The following DNAH11 variants were observed in gnomAD, a reference collection of about 807,000 sequenced individuals.
The protein encoded by DNAH11 is axonemal beta dynein heavy chain 11.
DNAH11 carries 442 observed loss-of-function variants against 526.0 expected under a neutral mutation model. The ratio of observed to expected loss-of-function variants is 0.84; its 90% confidence interval spans 0.78 to 0.91. The LOEUF (loss-of-function observed/expected upper bound fraction) is 0.91, where lower values mean the gene tolerates loss of function less well. Among genes scored for constraint, DNAH11 ranks in the 40% least tolerant of loss-of-function variants. The probability of loss-of-function intolerance (pLI) is 0.00; values close to 1 mark genes in which losing one functional copy is unlikely to be tolerated. For synonymous variants in DNAH11, 2,461 were observed against 1,935.9 expected (o/e 1.27, Z -7.12); for missense variants, 6,989 against 5,448.7 (o/e 1.28, Z -8.90).
intron 1 of DNAH11, 195 bp downstream of exon 1, chr7:21,543,791 G>C: frequency 1.6e-6 from 1 of 610,468 alleles, no homozygotes; most frequent in South Asian, 2.2e-5. Flanking sequence ...CTGCAGGTTA[G>C]TTTCCTAAGT....
In DNAH11 at chr7:21,901,411, A is replaced by ACTAGAAACTAAC. The variant is rs1784838696; in HGVS notation, c.*158_*169dup. The ACTAGAAACTAAC allele has an allele frequency of 2.8e-6, 3 of 1,081,854 alleles. No individual in the cohort carries two copies. In the East Asian group the frequency reaches 8.7e-5, roughly 31 times the overall value. The allele number at this position is 1,081,854 out of a possible 1,614,324, so 67.0% of individuals were successfully genotyped here. ...CTTAGAGTGAAAGTCAGAAAAAAATACTAGAAACTAACTCAGGGCTGAGCG... is the reference window on the plus strand; with the variant it reads ...CTTAGAGTGAAAGTCAGAAAAAAATACTAGAAACTAACCTAGAAACTAACTCAGGGCTGAGCG... On this transcript the variant is annotated 3_prime_UTR_variant, in exon 82 of 82. Transcript: ENST00000409508.
At chr7:21,766,563 G>T (rs1039465978) in intron 55 of DNAH11, among the ~76,000 whole-genome samples, 10 of 152,282 alleles carry the variant, frequency 6.6e-5, no homozygotes, top group Admixed American at 3.9e-4. Flanking sequence ...AGGCATAACT[G>T]CCACCTTTCC....
chr7:21,543,108 G>A lies in DNAH11; in HGVS notation c.-138G>A. ...GTGGCGCGGCTGCTAAGTAGCAGCA[G>A]GTGGGAGACTAGGGTCTGCGCTCGC... On this transcript the variant is annotated 5_prime_UTR_variant, in exon 1 of 82. Transcript: ENST00000409508. The A allele has an allele frequency of 7.0e-7, 1 of 1,420,360 alleles. No homozygotes were observed. Among genetic ancestry groups the A allele is most frequent in the African/African-American group, 1.5e-5 (1 of 68,628 alleles). 88.0% of individuals were successfully genotyped at this position (1,420,360 alleles called of 1,614,324 possible).
At chr7:21,884,674 A>G (rs1289214161) in intron 76 of DNAH11, among the ~76,000 whole-genome samples, 1 of 152,172 alleles carries the variant, frequency 6.6e-6, no homozygotes, top group Non-Finnish European at 1.5e-5. Flanking sequence ...GCACTGACTC[A>G]TCGGCTCTTT....
intron 43 of DNAH11, 133 bp downstream of exon 43, chr7:21,718,058 T>C: frequency 8.0e-7 from 1 of 1,253,872 alleles, no homozygotes; most frequent in East Asian, 2.4e-5. Context: ...TGCAACCCTC[T>C]TGCCCCCGCC....
intron 51 of DNAH11, among the ~76,000 whole-genome samples, chr7:21,747,447 G>C (rs972615785): frequency 2.6e-5 from 4 of 152,180 alleles, no homozygotes; most frequent in African/African-American, 9.7e-5. Flanking sequence ...AGAGCAAAAT[G>C]ATGGCATCAA....
At chr7:21,577,303 A>G (rs1784133472) in intron 8 of DNAH11, among the ~76,000 whole-genome samples, 1 of 152,196 alleles carries the variant, frequency 6.6e-6, no homozygotes, top group African/African-American at 2.4e-5. Flanking sequence ...TCCCCTTGCC[A>G]GGAAGAGCTG....
chr7:21,859,163 G>T (rs971816530), intron 68 of DNAH11, among the ~76,000 whole-genome samples: 3 of 152,068 alleles, frequency 2.0e-5, no homozygotes, highest in Non-Finnish European at 4.4e-5. Flanking sequence ...ACCCAGACTG[G>T]AATGTAGTGG....
At chr7:21,872,139 A>AACAAAACAAAAC (rs1554291080) in intron 73 of DNAH11, among the ~76,000 whole-genome samples, 2 of 114,062 alleles carry the variant, frequency 1.8e-5, no homozygotes, top group Middle Eastern at 4.1e-3. Context: ...AAAAAAAAAA[A>AACAAAACAAAAC]AAAAAAAAAA....
At chr7:21,664,178 G>A (rs1467388352) in intron 30 of DNAH11, among the ~76,000 whole-genome samples, 1 of 131,416 alleles carries the variant, frequency 7.6e-6, no homozygotes, top group Non-Finnish European at 1.6e-5. Flanking sequence ...ATGGTCACCT[G>A]TCTTTTCATT....
intron 74 of DNAH11, among the ~76,000 whole-genome samples, chr7:21,877,026 G>C (rs562369636): frequency 2.6e-5 from 4 of 152,252 alleles, no homozygotes; most frequent in African/African-American, 9.6e-5. Flanking sequence ...GTTCTGTGTT[G>C]CTGCTGTGGT....
intron 25 of DNAH11, among the ~76,000 whole-genome samples, chr7:21,624,175 AT>A (rs1786218416): frequency 6.6e-6 from 1 of 152,060 alleles, no homozygotes; most frequent in African/African-American, 2.4e-5. Flanking sequence ...TTTTAACAAT[AT>A]TAAATACTGG....
intron 61 of DNAH11, among the ~76,000 whole-genome samples, chr7:21,791,004 C>T (rs925816710): frequency 6.6e-6 from 1 of 152,238 alleles, no homozygotes; most frequent in Non-Finnish European, 1.5e-5. Context: ...TAGAAAGCCA[C>T]TGTCGTGAAT....
In DNAH11 at chr7:21,842,685, T is replaced by A; in HGVS notation, c.10833T>A (p.Gly3611=). 1.2e-6 allele frequency: 2 copies of A among 1,613,822 alleles called. No individual in the cohort carries two copies. The highest frequency in any genetic ancestry group is 2.2e-5 in the South Asian group (2 of 91,036). Residue 3611 remains glycine (G), a synonymous_variant, in exon 66 of 82, where the codon GGT becomes GGA. Coordinates refer to ENST00000409508, the MANE Select transcript of DNAH11 (RefSeq NM_001277115.2). ...TLLNFTVTED[G]LEAQLLAEVV... is the part of the protein sequence containing the mutation. ...TCAATTTCACAGTCACAGAAGATGGTCTAGAAGCCCAGCTGCTGGCAGAGG... is the reference window on the plus strand; with the variant it reads ...TCAATTTCACAGTCACAGAAGATGGACTAGAAGCCCAGCTGCTGGCAGAGG...
chr7:21,765,544 G>C lies in DNAH11; in HGVS notation c.9057G>C (p.Leu3019=), dbSNP rs765075935. 1 of 1,601,000 alleles carries C rather than the reference G, an allele frequency of 6.2e-7. No homozygotes were observed. The highest frequency in any genetic ancestry group is 1.3e-5 in the African/African-American group (1 of 74,664). ...DWFHAWPQEA[L]VSVSRRFIEE... ...TTCATGCGTGGCCGCAGGAGGCTCT[G>C]GTCTCCGTCAGCAGGAGGTTCATTG... The change falls in exon 55 of 82, where the codon CTG becomes CTC. Residue 3019 remains leucine, a synonymous_variant. Coordinates refer to ENST00000409508, the MANE Select transcript of DNAH11 (RefSeq NM_001277115.2).
At chr7:21,819,056 A>G (rs1057368793) in intron 65 of DNAH11, among the ~76,000 whole-genome samples, 1 of 152,114 alleles carries the variant, frequency 6.6e-6, no homozygotes, top group South Asian at 2.1e-4. Flanking sequence ...TTGTGTCTTC[A>G]ATCAAGTCTG....
chr7:21,804,819 T>C (rs1789180603), intron 62 of DNAH11, among the ~76,000 whole-genome samples: 1 of 152,146 alleles, frequency 6.6e-6, no homozygotes, highest in African/African-American at 2.4e-5. Context: ...CAAACTTAAG[T>C]ACATTCACAT....
chr7:21,637,799 A>G (rs1392641536), intron 27 of DNAH11, 97 bp downstream of exon 27: 2 of 628,942 alleles, frequency 3.2e-6, no homozygotes, highest in Non-Finnish European at 5.0e-6. Flanking sequence ...ATGGAGGTGC[A>G]ACCTCTACTA....
chr7:21,870,208 G>A (rs1464824619), intron 73 of DNAH11, among the ~76,000 whole-genome samples: 1 of 152,184 alleles, frequency 6.6e-6, no homozygotes, highest in East Asian at 1.9e-4. Context: ...TTAGCAGCAG[G>A]TGACATTCCT....
Sources: gnomAD v4.1 joint callset for allele counts (sites outside exome capture counted in the v4.1 genomes callset) on GRCh38, gnomAD v4.1.1 for gene constraint, MANE v1.5 for transcripts, NCBI Gene and HGNC (gene_info 2026-07-23, HGNC 2026-07-21) for gene names.